Variants in FER1L6 observed in about 807,000 individuals in gnomAD.
FER1L6 encodes fer-1 like family member 6, also known as fer-1-like protein 6.
Under a neutral mutation model 219.2 loss-of-function variants are expected in FER1L6, and 177 were observed. The observed-to-expected ratio is 0.81, with a 90% CI of 0.71 to 0.91. The LOEUF (loss-of-function observed/expected upper bound fraction) is 0.91, where lower values mean the gene tolerates loss of function less well. Ranked by LOEUF, FER1L6 falls within the 40% of genes least tolerant of loss-of-function variation. The pLI is 0.00. For missense variants in FER1L6, 2,153 were observed against 2,259.9 expected, an observed-to-expected ratio of 0.95 and a Z score of 0.96; for synonymous variants, 768 against 824.3, an observed-to-expected ratio of 0.93 and a Z score of 1.17.
chr8:124,066,331 T>C, intron 26 of FER1L6, 97 bp from the exon 27 acceptor site: 2 of 1,402,578 alleles, frequency 1.4e-6, no homozygotes, highest in Non-Finnish European at 1.9e-6. Context: ...TGTTTTCCAG[T>C]GGACACCTAA....
chr8:123,941,219 A>G (rs1409309809), intron 1 of FER1L6, among the ~76,000 whole-genome samples: 2 of 152,202 alleles, frequency 1.3e-5, no homozygotes, highest in East Asian at 1.9e-4. Context: ...ATGAGTGATG[A>G]AAGGAAAAAG....
intron 10 of FER1L6, among the ~76,000 whole-genome samples, chr8:123,980,249 T>C (rs1160954849): frequency 6.6e-6 from 1 of 152,166 alleles, no homozygotes; most frequent in Non-Finnish European, 1.5e-5. Context: ...AGATTGGCAT[T>C]TATGGTATTA....
chr8:124,046,103 T>A, intron 21 of FER1L6: 1 of 523,492 alleles, frequency 1.9e-6, no homozygotes, highest in Non-Finnish European at 3.3e-6. Flanking sequence ...CTAAAAGAGT[T>A]TTTCACTGAC....
At chr8:123,973,332 C>T in intron 6 of FER1L6, 102 bp from the exon 7 acceptor site, 1 of 907,512 alleles carries the variant, frequency 1.1e-6, no homozygotes, top group Non-Finnish European at 1.8e-6. Flanking sequence ...GGTTTGATGG[C>T]CAAACTCCAC....
At chr8:123,967,785 A>G (rs988636708) in intron 5 of FER1L6, among the ~76,000 whole-genome samples, 3 of 152,124 alleles carry the variant, frequency 2.0e-5, no homozygotes, top group Non-Finnish European at 4.4e-5. Context: ...GTGAAACCCC[A>G]TCTCTACTAA....
chr8:124,039,826 C>T, intron 19 of FER1L6, 56 bp from the exon 20 acceptor site: 1 of 1,610,724 alleles, frequency 6.2e-7, no homozygotes, highest in Non-Finnish European at 8.5e-7. Context: ...CACATGTGCA[C>T]ACACTGTTCT....
At chr8:124,001,191 T>G (rs1246370867) in intron 12 of FER1L6, among the ~76,000 whole-genome samples, 1 of 152,228 alleles carries the variant, frequency 6.6e-6, no homozygotes, top group African/African-American at 2.4e-5. Context: ...TGTCCCCACC[T>G]CTGACCTTCT....
At chr8:123,888,010 A>G (rs1382427622) in intron 1 of FER1L6, among the ~76,000 whole-genome samples, 1 of 152,180 alleles carries the variant, frequency 6.6e-6, no homozygotes, top group Non-Finnish European at 1.5e-5. Flanking sequence ...CAAGTTAGAC[A>G]TTCTTGGGGC....
intron 39 of FER1L6, among the ~76,000 whole-genome samples, chr8:124,115,102 C>T (rs942458496): frequency 6.6e-6 from 1 of 151,362 alleles, no homozygotes; most frequent in Non-Finnish European, 1.5e-5. Context: ...CTTCTGTAGG[C>T]ATGGTGCAGT....
chr8:123,881,346 A>T (rs1202096125), intron 1 of FER1L6, among the ~76,000 whole-genome samples: 1 of 152,152 alleles, frequency 6.6e-6, no homozygotes. Context: ...GAAAGGCAAG[A>T]ATGCAGAATG....
At chr8:123,871,922 T>A (rs556826394) in intron 1 of FER1L6, among the ~76,000 whole-genome samples, 172 of 152,206 alleles carry the variant, frequency 1.1e-3, no homozygotes, top group Non-Finnish European at 1.2e-3. Flanking sequence ...GAAACCTATA[T>A]GTATTAGGCT....
intron 33 of FER1L6, among the ~76,000 whole-genome samples, chr8:124,089,911 TCAATCATAGGCATTA>T (rs34369591): frequency 0.19 from 28,511 of 152,122 alleles, 3,355 homozygotes; most frequent in Non-Finnish European, 0.24. Context: ...TCTGTAGAAT[TCAATCATAGGCATTA>T]TAAGATGGTA....
At chr8:124,091,387 G>A (rs1157815176) in intron 33 of FER1L6, 36 bp from the exon 34 acceptor site, 1 of 1,592,014 alleles carries the variant, frequency 6.3e-7, no homozygotes, top group East Asian at 2.2e-5. Flanking sequence ...TTCTTTAAGT[G>A]AGGACCTCAA....
At chr8:124,065,093 T>C (rs1313079666) in intron 26 of FER1L6, among the ~76,000 whole-genome samples, 3 of 152,094 alleles carry the variant, frequency 2.0e-5, no homozygotes, top group Non-Finnish European at 4.4e-5. Context: ...GAGAAGGCCA[T>C]TTTAAGAATG....
At chr8:124,065,002 G>C (rs147859486) in intron 26 of FER1L6, among the ~76,000 whole-genome samples, 145 of 152,250 alleles carry the variant, frequency 9.5e-4, no homozygotes, top group African/African-American at 3.3e-3. Flanking sequence ...AGTACACAAA[G>C]AACCACAAAA....
chr8:123,955,802 G>A (rs1336488801), intron 1 of FER1L6, among the ~76,000 whole-genome samples, 190 bp from the exon 2 acceptor site: 3 of 152,174 alleles, frequency 2.0e-5, no homozygotes, highest in Non-Finnish European at 4.4e-5. Context: ...GGATTTTTGT[G>A]GTTTCTGCAA....
At chr8:124,062,387 A>G (rs1029257604) in intron 25 of FER1L6, among the ~76,000 whole-genome samples, 1 of 152,136 alleles carries the variant, frequency 6.6e-6, no homozygotes, top group Admixed American at 6.5e-5. Flanking sequence ...ATGCTCTACA[A>G]TCATCACTGG....
At chr8:123,854,009 G>T (rs1338556680) in intron 1 of FER1L6, among the ~76,000 whole-genome samples, 1 of 152,152 alleles carries the variant, frequency 6.6e-6, no homozygotes, top group African/African-American at 2.4e-5. Context: ...ACGTCTGAGT[G>T]CTGGCCCTTC....
chr8:124,027,422 T>G (rs983869335), intron 18 of FER1L6, among the ~76,000 whole-genome samples: 2 of 152,206 alleles, frequency 1.3e-5, no homozygotes, highest in Admixed American at 6.5e-5. Flanking sequence ...TAGTTGTGCC[T>G]CACAGAGTAA....
Sources: allele counts gnomAD v4.1 joint callset (sites outside exome capture counted in the v4.1 genomes callset), GRCh38; gene constraint gnomAD v4.1.1; transcripts MANE v1.5; gene names NCBI Gene and HGNC (gene_info 2026-07-23, HGNC 2026-07-21).